ZNF827: variants seen among roughly 807,000 people sequenced by gnomAD.
ZNF827 encodes the protein zinc finger protein 827.
ZNF827 carries 13 observed loss-of-function variants against 102.4 expected under a neutral mutation model. The ratio of observed to expected loss-of-function variants is 0.13; its 90% CI spans 0.08 to 0.20. The LOEUF (loss-of-function observed/expected upper bound fraction) is 0.20. Among genes scored for constraint, ZNF827 ranks in the 10% least tolerant of loss-of-function variants. The pLI is 1.00. For missense variants in ZNF827, 1,103 were observed against 1,344.4 expected (o/e 0.82, Z 2.81); for synonymous variants, 523 against 536.2 (o/e 0.98, Z 0.34).
chr4:145,853,110 C>T (rs1338390618), intron 5 of ZNF827, among the ~76,000 whole-genome samples: 1 of 152,188 alleles, frequency 6.6e-6, no homozygotes, highest in Non-Finnish European at 1.5e-5. Context: ...GAAAAAGCTC[C>T]TTTCATTTCT....
In ZNF827 at chr4:145,849,711, C is replaced by T. The variant is rs1319589664; in HGVS notation, c.1982-150G>A. 1.7e-5 allele frequency: 22 copies of T among 1,299,508 alleles called. No individual in the cohort carries two copies. In the East Asian group the frequency reaches 4.9e-4, roughly 29 times the overall value. The allele number at this position is 1,299,508 out of a possible 1,614,324, so 80.5% of individuals were successfully genotyped here. On this transcript the variant is annotated intron_variant, in intron 5 of 14. Coordinates refer to ENST00000508784, the MANE Select transcript of ZNF827 (RefSeq NM_001306215.2). ...GGCACACTGGACCATAGTTTGAAAA[C>T]CATTGGCTCAATCATCTAATACCAG... is the stretch of plus-strand genomic sequence containing the variant.
intron 7 of ZNF827, among the ~76,000 whole-genome samples, chr4:145,827,029 G>A (rs1743753955): frequency 1.3e-5 from 2 of 152,222 alleles, no homozygotes; most frequent in South Asian, 2.1e-4. Context: ...TTACAGGCAT[G>A]AGCCACCACG....
At chr4:145,924,858 T>C (rs1023326437) in intron 1 of ZNF827, among the ~76,000 whole-genome samples, 1 of 152,236 alleles carries the variant, frequency 6.6e-6, no homozygotes, top group Non-Finnish European at 1.5e-5. Context: ...AAGTCCCTTA[T>C]CTTAGTGTCT....
chr4:145,845,949 C>T lies in ZNF827; in HGVS notation c.2279+7G>A, dbSNP rs1433145513. On this transcript the variant is annotated splice_region_variant and intron_variant, in intron 7 of 14. Coordinates refer to ENST00000508784, the MANE Select transcript of ZNF827 (RefSeq NM_001306215.2). ...TGTTCTGGAGGAACCCACACAAAGTCGCCTACCTGGTCGTGGTCCGGATGG... is the reference window on the plus strand; with the variant it reads ...TGTTCTGGAGGAACCCACACAAAGTTGCCTACCTGGTCGTGGTCCGGATGG... 13 of 1,614,052 alleles carry T rather than the reference C, an allele frequency of 8.1e-6. No individual in the cohort carries two copies. The highest frequency in any genetic ancestry group is 3.3e-5 in the Admixed American group (2 of 60,008).
intron 8 of ZNF827, among the ~76,000 whole-genome samples, chr4:145,800,363 T>G (rs1579227242): frequency 1.3e-5 from 2 of 152,164 alleles, no homozygotes; most frequent in South Asian, 4.1e-4. Context: ...GGTCCTTTTT[T>G]TTTTTTTGGA....
intron 8 of ZNF827, among the ~76,000 whole-genome samples, chr4:145,790,462 A>G (rs1739512876): frequency 6.6e-6 from 1 of 152,212 alleles, no homozygotes. Flanking sequence ...TAAAATTTTA[A>G]TGTTAATTTA....
At chr4:145,823,304 C>T in intron 8 of ZNF827, 118 bp downstream of exon 8, 4 of 811,034 alleles carry the variant, frequency 4.9e-6, no homozygotes, top group Non-Finnish European at 5.9e-6. Context: ...TTTTCTAAAA[C>T]CTAACCTTAT....
At chr4:145,777,597 T>C (rs1484059903) in intron 9 of ZNF827, among the ~76,000 whole-genome samples, 1 of 152,224 alleles carries the variant, frequency 6.6e-6, no homozygotes, top group Non-Finnish European at 1.5e-5. Flanking sequence ...CCAATAATTC[T>C]TTAACATCTT....
intron 5 of ZNF827, among the ~76,000 whole-genome samples, chr4:145,866,745 A>AT (rs1266187198): frequency 6.6e-6 from 1 of 152,244 alleles, no homozygotes; most frequent in Non-Finnish European, 1.5e-5. Context: ...CCAACCATGC[A>AT]TGATACATTT....
rs182822117 is a variant in ZNF827 at position 145,909,307 on chromosome 4, C to T, written c.44-6092G>A. Among the ~76,000 whole-genome samples, 371 of 152,272 alleles carry T rather than the reference C, an allele frequency of 2.4e-3. 6 individuals carry two copies. The highest frequency in any genetic ancestry group is 8.3e-3 in the African/African-American group (343 of 41,562). On this transcript the variant is annotated intron_variant, in intron 1 of 14. Coordinates refer to ENST00000508784, the MANE Select transcript of ZNF827 (RefSeq NM_001306215.2). ...TGTAAATGACAGAAAACCAGCAGGA[C>T]CGCATGAAGCAATAAGGGAATTTTC... is the stretch of plus-strand genomic sequence containing the variant.
chr4:145,886,186 A>T, intron 3 of ZNF827, 28 bp from the exon 4 acceptor site: 3 of 1,556,196 alleles, frequency 1.9e-6, no homozygotes, highest in Non-Finnish European at 2.6e-6. Context: ...AGAATGAGCT[A>T]GCCACCGTGC....
At chr4:145,784,645 A>G (rs1425780382) in intron 8 of ZNF827, among the ~76,000 whole-genome samples, 1 of 152,250 alleles carries the variant, frequency 6.6e-6, no homozygotes, top group African/African-American at 2.4e-5. Context: ...TAATATTTGT[A>G]AAAGAAAAGT....
At chr4:145,890,576 G>C (rs1750516513) in intron 3 of ZNF827, among the ~76,000 whole-genome samples, 1 of 152,192 alleles carries the variant, frequency 6.6e-6, no homozygotes, top group Non-Finnish European at 1.5e-5. Context: ...TGTCAGGCTA[G>C]ATGCAAGTTT....
At chr4:145,792,872 A>G (rs1417692830) in intron 8 of ZNF827, among the ~76,000 whole-genome samples, 1 of 152,192 alleles carries the variant, frequency 6.6e-6, no homozygotes, top group Non-Finnish European at 1.5e-5. Flanking sequence ...ATAAAACTAG[A>G]GAAAGATCAA....
At chr4:145,773,615 A>G (rs182602656) in intron 11 of ZNF827, among the ~76,000 whole-genome samples, 2 of 152,336 alleles carry the variant, frequency 1.3e-5, no homozygotes, top group Admixed American at 6.5e-5. Flanking sequence ...ATTTGTAACC[A>G]TCACTTGTGA....
chr4:145,890,421 G>C (rs533416449), intron 3 of ZNF827, among the ~76,000 whole-genome samples: 3 of 152,196 alleles, frequency 2.0e-5, no homozygotes, highest in Admixed American at 2.0e-4. Flanking sequence ...TGCCATGGCC[G>C]GCCGTCTGTG....
intron 1 of ZNF827, among the ~76,000 whole-genome samples, chr4:145,930,631 G>A (rs1420907296): frequency 1.3e-5 from 2 of 152,198 alleles, no homozygotes; most frequent in Non-Finnish European, 2.9e-5. Flanking sequence ...CAGAACTTCA[G>A]TAGTAAAAGC....
chr4:145,870,468 C>T lies in ZNF827; in HGVS notation c.1758G>A (p.Gln586=). 6.2e-7 allele frequency: 1 copy of T among 1,613,912 alleles called. No homozygotes were observed. The highest frequency in any genetic ancestry group is 8.5e-7 in the Non-Finnish European group (1 of 1,179,952). The change falls in exon 5 of 15, where the codon CAG becomes CAA. Residue 586 remains glutamine (Q), a synonymous_variant. Transcript: ENST00000508784. Reference sequence around the variant, plus strand: ...TAAAATTAAGATTCATGGGCTCCTTCTGATTTGCAGCTGTCAAAAGAAAAA... The same window carrying T: ...TAAAATTAAGATTCATGGGCTCCTTTTGATTTGCAGCTGTCAAAAGAAAAA... ...DFLMKLSAAN[Q]KEPMNLNFKV...
At chr4:145,884,891 T>C (rs1298770623) in intron 4 of ZNF827, among the ~76,000 whole-genome samples, 1 of 152,110 alleles carries the variant, frequency 6.6e-6, no homozygotes, top group Non-Finnish European at 1.5e-5. Flanking sequence ...AAATTCCACT[T>C]TATATGAGGT....
Sources: gnomAD v4.1 joint callset for allele counts (sites outside exome capture counted in the v4.1 genomes callset) on GRCh38, gnomAD v4.1.1 for gene constraint, MANE v1.5 for transcripts, NCBI Gene and HGNC (gene_info 2026-07-23, HGNC 2026-07-21) for gene names.